TMA7B: variants seen among roughly 807,000 people sequenced by gnomAD.
TMA7B encodes the protein translation machinery-associated protein 7B.
chr22:39,964,388 A>C, the TMA7B span: 1 of 763,158 alleles, frequency 1.3e-6, no homozygotes, highest in Non-Finnish European at 2.3e-6. Context: ...TCCAGCCACG[A>C]AGGTGGCAAG....
At chr22:39,961,280 C>G in the TMA7B span, among the ~76,000 whole-genome samples, 1 of 152,074 alleles carries the variant, frequency 6.6e-6, no homozygotes, top group South Asian at 2.1e-4. Flanking sequence ...CTATGACTCA[C>G]TCAGGGGGAG....
At chr22:39,962,964 C>T in the TMA7B span, among the ~76,000 whole-genome samples, 13 of 152,186 alleles carry the variant, frequency 8.5e-5, no homozygotes, top group East Asian at 1.7e-3. Flanking sequence ...CCACTGTGCC[C>T]GGACCCAGAA....
the TMA7B span, chr22:39,964,177 G>A: frequency 1.9e-6 from 1 of 527,308 alleles, no homozygotes; most frequent in African/African-American, 1.9e-5. Flanking sequence ...ATCCAAAAGA[G>A]AATGACTTGG....
At chr22:39,964,497 G>A in the TMA7B span, 1 of 1,035,336 alleles carries the variant, frequency 9.7e-7, no homozygotes, top group African/African-American at 1.6e-5. Flanking sequence ...AGAAACTCGA[G>A]GTGCTAAAAG....
At chr22:39,962,175 C>T in the TMA7B span, among the ~76,000 whole-genome samples, 1 of 152,196 alleles carries the variant, frequency 6.6e-6, no homozygotes, top group South Asian at 2.1e-4. Flanking sequence ...CTAATCCCAG[C>T]ACTTTGGGAG....
At chr22:39,963,317 C>G in the TMA7B span, among the ~76,000 whole-genome samples, 1 of 152,146 alleles carries the variant, frequency 6.6e-6, no homozygotes. Flanking sequence ...GTCAGGCCAT[C>G]CTCTCCTTGT....
At chr22:39,961,776 T>C in the TMA7B span, among the ~76,000 whole-genome samples, 1 of 152,218 alleles carries the variant, frequency 6.6e-6, no homozygotes, top group Non-Finnish European at 1.5e-5. Flanking sequence ...TGGCAGGAAA[T>C]ACCGATCTGG....
the TMA7B span, chr22:39,960,815 C>T: frequency 6.6e-6 from 1 of 152,266 alleles, no homozygotes; most frequent in African/African-American, 2.4e-5. Context: ...AGACCCAAGA[C>T]CCAGGGAAAG....
At chr22:39,962,402 G>A in the TMA7B span, among the ~76,000 whole-genome samples, 11 of 152,060 alleles carry the variant, frequency 7.2e-5, no homozygotes, top group Admixed American at 3.9e-4. Flanking sequence ...TCTAGCCTGG[G>A]TGACAGAGCA....
chr22:39,964,354 G>A, the TMA7B span: 1 of 714,378 alleles, frequency 1.4e-6, no homozygotes, highest in Non-Finnish European at 2.5e-6. Flanking sequence ...GGCAGGGTCT[G>A]GGGAAGGGGC....
chr22:39,964,161 C>T, the TMA7B span: 1 of 500,362 alleles, frequency 2.0e-6, no homozygotes, highest in Non-Finnish European at 3.5e-6. Flanking sequence ...GAAAAATAAA[C>T]TTTACATCCA....
chr22:39,962,694 G>T, the TMA7B span, among the ~76,000 whole-genome samples: 1 of 151,872 alleles, frequency 6.6e-6, no homozygotes, highest in Admixed American at 6.6e-5. Flanking sequence ...CTCTCGCTCT[G>T]TCGCCCAGGC....
the TMA7B span, chr22:39,960,414 T>C: frequency 4.3e-6 from 2 of 462,572 alleles, no homozygotes; most frequent in Non-Finnish European, 7.9e-6. Context: ...CTGCCTCCCC[T>C]TCTAGCCCAG....
At chr22:39,962,133 C>T in the TMA7B span, among the ~76,000 whole-genome samples, 3 of 152,314 alleles carry the variant, frequency 2.0e-5, no homozygotes, top group East Asian at 5.8e-4. Context: ...ACATATATTA[C>T]AAGTCAGGGT....
the TMA7B span, among the ~76,000 whole-genome samples, chr22:39,961,285 G>T: frequency 1.3e-5 from 2 of 151,886 alleles, no homozygotes; most frequent in Admixed American, 6.6e-5. Context: ...ACTCACTCAG[G>T]GGGAGAAAGA....
chr22:39,962,237 A>G, the TMA7B span, among the ~76,000 whole-genome samples: 4,907 of 152,258 alleles, frequency 0.032, 269 homozygotes, highest in African/African-American at 0.11. Flanking sequence ...CAGCCGGGGC[A>G]ACTAGTGAGA....
chr22:39,962,893 T>A, the TMA7B span, among the ~76,000 whole-genome samples: 2 of 152,090 alleles, frequency 1.3e-5, no homozygotes, highest in African/African-American at 4.8e-5. Context: ...GGTCTTGAAC[T>A]CCTGGCCTCA....
chr22:39,964,635 C>G, the TMA7B span: 4 of 640,828 alleles, frequency 6.2e-6, no homozygotes. Context: ...TCTCTATTCC[C>G]TCCTATAATA....
the TMA7B span, chr22:39,960,735 G>C: frequency 6.5e-6 from 1 of 152,938 alleles, no homozygotes; most frequent in African/African-American, 2.4e-5. Context: ...TACAAGACAG[G>C]TTAACAAGAG....
Sources: allele counts gnomAD v4.1 joint callset (sites outside exome capture counted in the v4.1 genomes callset), GRCh38; gene constraint gnomAD v4.1.1; transcripts MANE v1.5; gene names NCBI Gene and HGNC (gene_info 2026-07-23, HGNC 2026-07-21).